The following AHCYL2 variants were observed in gnomAD, a reference collection of about 807,000 sequenced individuals.
The protein encoded by AHCYL2 is S-adenosylhomocysteine hydrolase-like protein 2.
A neutral mutation model predicts 81.4 loss-of-function variants in AHCYL2; 28 were observed. The observed-to-expected ratio is 0.34, with a 90% CI of 0.25 to 0.47. AHCYL2 has a LOEUF of 0.47. Ranked by LOEUF, AHCYL2 falls within the 20% of genes least tolerant of loss-of-function variation. The pLI is 1.00. For missense variants in AHCYL2, 551 were observed against 785.1 expected (o/e 0.70, Z 3.56); for synonymous variants, 272 against 290.2 (o/e 0.94, Z 0.64).
intron 1 of AHCYL2, among the ~76,000 whole-genome samples, chr7:129,236,785 A>G (rs754302061): frequency 5.3e-5 from 8 of 152,210 alleles, no homozygotes; most frequent in Non-Finnish European, 7.3e-5. Flanking sequence ...TGGTCTTTTT[A>G]TAATATCTGC....
chr7:129,349,940 C>T (rs13225516), intron 1 of AHCYL2, among the ~76,000 whole-genome samples: 3,510 of 152,300 alleles, frequency 0.023, 72 homozygotes, highest in Admixed American at 0.056. Flanking sequence ...AAGTCCAGAT[C>T]ATAGTTCTTA....
chr7:129,389,980 T>G (rs1795388726), intron 4 of AHCYL2, among the ~76,000 whole-genome samples: 1 of 152,196 alleles, frequency 6.6e-6, no homozygotes, highest in African/African-American at 2.4e-5. Flanking sequence ...GATTTTAACT[T>G]CAATATACAG....
At chr7:129,311,613 G>T (rs1427289099) in intron 1 of AHCYL2, among the ~76,000 whole-genome samples, 1 of 136,260 alleles carries the variant, frequency 7.3e-6, no homozygotes, top group African/African-American at 2.8e-5. Context: ...AAGTCCTATT[G>T]TCATTGTTGA....
chr7:129,353,358 A>G (rs1056842906), intron 1 of AHCYL2, among the ~76,000 whole-genome samples: 3 of 152,090 alleles, frequency 2.0e-5, no homozygotes, highest in African/African-American at 7.2e-5. Flanking sequence ...TCTTTCTTAC[A>G]TCAGGGGTTT....
At chr7:129,335,852 G>A (rs4731570) in intron 1 of AHCYL2, among the ~76,000 whole-genome samples, 133,726 of 152,120 alleles carry the variant, frequency 0.88, 59,137 homozygotes, top group East Asian at 0.98. Flanking sequence ...CCCCTGTACT[G>A]TATTGGTTGA....
chr7:129,372,698 C>T (rs377470334), intron 1 of AHCYL2, among the ~76,000 whole-genome samples: 23 of 152,142 alleles, frequency 1.5e-4, no homozygotes, highest in Middle Eastern at 6.8e-3. Flanking sequence ...CCTGTAATCG[C>T]AGCTACTCAG....
chr7:129,322,955 T>G (rs1010463728), intron 1 of AHCYL2, among the ~76,000 whole-genome samples: 2 of 152,236 alleles, frequency 1.3e-5, no homozygotes, highest in Non-Finnish European at 2.9e-5. Flanking sequence ...TCTGTCATTC[T>G]TGATATTATT....
At position 129,406,597 on chromosome 7, in the gene AHCYL2, C is replaced by G; in HGVS notation, c.1295+131C>G. The G allele has an allele frequency of 1.1e-6, 1 of 886,782 alleles. No individual in the cohort carries two copies. The highest frequency in any genetic ancestry group is 1.5e-5 in the South Asian group (1 of 65,254). 54.9% of individuals were successfully genotyped at this position (886,782 alleles called of 1,614,324 possible). A position where few individuals can be genotyped will look rare whatever the true frequency, so the allele number is the denominator to read the frequency against. On this transcript the variant is annotated intron_variant, in intron 10 of 16. Coordinates refer to ENST00000325006, the MANE Select transcript of AHCYL2 (RefSeq NM_015328.4). The surrounding 1 kb of genome is among the most constrained non-coding windows in gnomAD (Gnocchi z 4.3). ...GCTGCCACTAACTCTAAGCATCTGT[C>G]TTTTAAAAAGGTCAAGGAGCTCTGC...
intron 1 of AHCYL2, among the ~76,000 whole-genome samples, chr7:129,234,029 TTCTC>T (rs1425431665): frequency 6.6e-6 from 1 of 151,834 alleles, no homozygotes; most frequent in African/African-American, 2.4e-5. Context: ...TCTATCTTTC[TTCTC>T]TCTCTTTCTC....
chr7:129,391,920 A>G (rs908635122), intron 4 of AHCYL2, among the ~76,000 whole-genome samples: 5 of 152,228 alleles, frequency 3.3e-5, no homozygotes, highest in African/African-American at 7.2e-5. Flanking sequence ...CTACAAACTA[A>G]TGAATCAAGA....
intron 1 of AHCYL2, among the ~76,000 whole-genome samples, chr7:129,331,984 C>T (rs1289667175): frequency 1.3e-5 from 2 of 151,740 alleles, no homozygotes; most frequent in Non-Finnish European, 2.9e-5. Context: ...TGTCTAAAAT[C>T]ACATAGGGAG....
chr7:129,321,160 T>C (rs1240405500), intron 1 of AHCYL2, among the ~76,000 whole-genome samples: 1 of 152,218 alleles, frequency 6.6e-6, no homozygotes. Flanking sequence ...CCAATTTGAT[T>C]CCTTTTATTT....
chr7:129,358,641 G>A (rs946261960), intron 1 of AHCYL2, among the ~76,000 whole-genome samples: 2 of 152,196 alleles, frequency 1.3e-5, no homozygotes, highest in African/African-American at 2.4e-5. Context: ...TGCAGTTTGA[G>A]ATAATGAAAA....
At chr7:129,266,490 T>G (rs1487600595) in intron 1 of AHCYL2, among the ~76,000 whole-genome samples, 3 of 151,854 alleles carry the variant, frequency 2.0e-5, no homozygotes, top group South Asian at 2.1e-4. Flanking sequence ...GATCTCACAA[T>G]TGCACTCCAT....
At chr7:129,322,780 G>A (rs1447665375) in intron 1 of AHCYL2, among the ~76,000 whole-genome samples, 1 of 152,008 alleles carries the variant, frequency 6.6e-6, no homozygotes, top group Non-Finnish European at 1.5e-5. Context: ...TTTAGGGGTG[G>A]GGTTTTGCCA....
At chr7:129,239,889 C>G (rs1794783901) in intron 1 of AHCYL2, among the ~76,000 whole-genome samples, 1 of 151,942 alleles carries the variant, frequency 6.6e-6, no homozygotes, top group Non-Finnish European at 1.5e-5. Context: ...AGCCTCTACC[C>G]AGTCCCTTCC....
intron 1 of AHCYL2, among the ~76,000 whole-genome samples, chr7:129,261,030 T>A (rs1413963162): frequency 1.3e-5 from 2 of 152,212 alleles, no homozygotes; most frequent in African/African-American, 2.4e-5. Context: ...CCTTAAGTGA[T>A]CTGCCCATCT....
At chr7:129,382,248 C>T (rs1794990816) in intron 2 of AHCYL2, among the ~76,000 whole-genome samples, 1 of 152,184 alleles carries the variant, frequency 6.6e-6, no homozygotes, top group Non-Finnish European at 1.5e-5. Flanking sequence ...TATGACAAGA[C>T]ATATATGCAA....
At chr7:129,283,375 C>T (rs933938716) in intron 1 of AHCYL2, 5 of 455,892 alleles carry the variant, frequency 1.1e-5, no homozygotes, top group Non-Finnish European at 2.2e-5. Flanking sequence ...TCTTTGAAAC[C>T]ATCATTTCAT....
Sources: allele counts gnomAD v4.1 joint callset (sites outside exome capture counted in the v4.1 genomes callset), GRCh38; gene constraint gnomAD v4.1.1; non-coding constraint Gnocchi (gnomAD v3.1); transcripts MANE v1.5; gene names NCBI Gene and HGNC (gene_info 2026-07-23, HGNC 2026-07-21).